LHFPL2: variants seen among roughly 807,000 people sequenced by gnomAD.
LHFPL2 encodes LHFPL tetraspan subfamily member 2 protein.
Under a neutral mutation model 17.5 loss-of-function variants are expected in LHFPL2, and 7 were observed. That is an observed-to-expected ratio of 0.40 (90% confidence interval 0.23 to 0.75). The LOEUF is 0.75. LHFPL2 is among the 30% of genes least tolerant of loss of function. The pLI, the probability that LHFPL2 is intolerant of heterozygous loss-of-function variation, is 0.37. For synonymous variants in LHFPL2, 134 were observed against 116.2 expected (o/e 1.15, Z -0.99); for missense variants, 241 against 294.8 (o/e 0.82, Z 1.34).
At chr5:78,510,499 T>C (rs975146783) in intron 3 of LHFPL2, 101 bp from the exon 4 acceptor site, 4 of 411,040 alleles carry the variant, frequency 9.7e-6, no homozygotes, top group Non-Finnish European at 1.7e-5. Context: ...CGCAGAACCC[T>C]GCCAGCAAGC....
intron 2 of LHFPL2, among the ~76,000 whole-genome samples, chr5:78,581,165 T>A (rs551219195): frequency 3.2e-4 from 48 of 152,334 alleles, no homozygotes; most frequent in African/African-American, 1.1e-3. Context: ...TGTTGGTGTA[T>A]AAGAATGCTT....
At chr5:78,561,402 G>A (rs1756722869) in intron 3 of LHFPL2, among the ~76,000 whole-genome samples, 1 of 152,320 alleles carries the variant, frequency 6.6e-6, no homozygotes. Context: ...CTTTCACTTT[G>A]CCCCTTCGGC....
rs762687453 is a variant in LHFPL2 at position 78,489,157 on chromosome 5, C to T, written c.431-4G>A. ...AAACCGAGGATAAGGAATAGACCTG[C>T]AGAACAAAAGAGAAAACAGATTAGA... On this transcript the variant is annotated splice_region_variant and splice_polypyrimidine_tract_variant and intron_variant, in intron 4 of 4. Coordinates refer to ENST00000380345, the MANE Select transcript of LHFPL2 (RefSeq NM_005779.3). 1.4e-5 allele frequency: 23 copies of T among 1,613,794 alleles called. No individual in the cohort carries two copies. Among genetic ancestry groups the T allele is most frequent in the Non-Finnish European group, 1.8e-5 (21 of 1,179,802 alleles).
At chr5:78,596,529 T>C (rs1426238436) in intron 2 of LHFPL2, among the ~76,000 whole-genome samples, 3 of 152,242 alleles carry the variant, frequency 2.0e-5, no homozygotes, top group South Asian at 4.1e-4. Context: ...CCTAATGTGA[T>C]AAAGAGAAAC....
chr5:78,514,440 T>A (rs1233440584), intron 3 of LHFPL2, among the ~76,000 whole-genome samples: 1 of 151,926 alleles, frequency 6.6e-6, no homozygotes, highest in African/African-American at 2.4e-5. Flanking sequence ...AGTTTCAAAA[T>A]GGCTGGTCTG....
At chr5:78,635,697 G>T (rs1745417302) in intron 1 of LHFPL2, among the ~76,000 whole-genome samples, 1 of 152,170 alleles carries the variant, frequency 6.6e-6, no homozygotes, top group African/African-American at 2.4e-5. Context: ...CAGCTACTTG[G>T]GAGGCTGAGG....
chr5:78,537,147 A>G (rs1755973203), intron 3 of LHFPL2, among the ~76,000 whole-genome samples: 1 of 152,002 alleles, frequency 6.6e-6, no homozygotes, highest in South Asian at 2.1e-4. Flanking sequence ...TCCTCTTCCC[A>G]CTCATTCCCT....
rs35135294 is a variant in LHFPL2 at position 78,527,363 on chromosome 5, GTTTTTTT to G, written c.-185-16972_-185-16966del. Among the ~76,000 whole-genome samples the G allele has an allele frequency of 8.9e-3, 965 of 108,104 alleles. 4 individuals carry two copies. Among genetic ancestry groups the G allele is most frequent in the South Asian group, 0.023 (68 of 2,990 alleles). The allele number at this position is 108,104 out of a possible 152,430, so 70.9% of individuals were successfully genotyped here. On this transcript the variant is annotated intron_variant, in intron 3 of 4. Transcript: ENST00000380345. Reference sequence around the variant, plus strand: ...GGAAAGCTCTTAATGCTGATGAGGAGTTTTTTTTTTTTTTTTTTTTTTTCCAAAAGTT... The same window carrying G: ...GGAAAGCTCTTAATGCTGATGAGGAGTTTTTTTTTTTTTTTTCCAAAAGTT...
chr5:78,510,088 G>C lies in LHFPL2; in HGVS notation c.126C>G (p.Gly42=), dbSNP rs1158540110. 5.6e-6 allele frequency: 9 copies of C among 1,612,714 alleles called. No individual in the cohort carries two copies. The African/African-American group carries it at 6.7e-5, about 12-fold the overall frequency. ...DWLIGKARSR[G]GVEPAGPGGG... is the part of the protein sequence containing the mutation. ...CGCCCGGGCCCGCCGGCTCCACGCCGCCGCGGCTCCTCGCTTTCCCGATCA... is the reference window on the plus strand; with the variant it reads ...CGCCCGGGCCCGCCGGCTCCACGCCCCCGCGGCTCCTCGCTTTCCCGATCA... The change falls in exon 4 of 5, where the codon GGC becomes GGG. Residue 42 remains glycine (G), a synonymous_variant. Transcript: ENST00000380345.
Position 78,510,327 on chromosome 5 carries a change from T to C in LHFPL2, c.-114A>G. 9.5e-7 allele frequency: 1 copy of C among 1,047,294 alleles called. No individual in the cohort carries two copies. The highest frequency in any genetic ancestry group is 2.6e-5 in the East Asian group (1 of 38,060). The allele number at this position is 1,047,294 out of a possible 1,614,324, so 64.9% of individuals were successfully genotyped here. A position where few individuals can be genotyped will look rare whatever the true frequency, so the allele number is the denominator to read the frequency against. ...GGAAGGAAGTCGCAGCTGCAGTCAT[T>C]CACTCCCGCCGCCGGCCGCGTTCAT... On this transcript the variant is annotated 5_prime_UTR_variant, in exon 4 of 5. Coordinates refer to ENST00000380345, the MANE Select transcript of LHFPL2 (RefSeq NM_005779.3).
intron 3 of LHFPL2, among the ~76,000 whole-genome samples, chr5:78,532,761 A>G (rs1258591520): frequency 1.3e-5 from 2 of 151,988 alleles, no homozygotes; most frequent in Non-Finnish European, 2.9e-5. Flanking sequence ...TTATTAACCA[A>G]AACACCAGCC....
intron 3 of LHFPL2, among the ~76,000 whole-genome samples, chr5:78,527,264 C>G (rs528041059): frequency 6.6e-6 from 1 of 151,516 alleles, no homozygotes; most frequent in Non-Finnish European, 1.5e-5. Flanking sequence ...GGAAAACAAA[C>G]GAACCCAGTT....
intron 2 of LHFPL2, among the ~76,000 whole-genome samples, chr5:78,572,277 A>G (rs1237370098): frequency 6.6e-6 from 1 of 152,106 alleles, no homozygotes; most frequent in Non-Finnish European, 1.5e-5. Context: ...GTAATTAAGG[A>G]AAGAGCTGGC....
At chr5:78,592,670 TAC>T (rs371054360) in intron 2 of LHFPL2, among the ~76,000 whole-genome samples, 1,406 of 55,792 alleles carry the variant, frequency 0.025, 54 homozygotes, top group Non-Finnish European at 0.031. Flanking sequence ...AAAATTCAGA[TAC>T]ACACACACAC....
chr5:78,492,711 A>G (rs1438582662), intron 4 of LHFPL2, among the ~76,000 whole-genome samples: 1 of 152,244 alleles, frequency 6.6e-6, no homozygotes, highest in Non-Finnish European at 1.5e-5. Context: ...TAAGAGTGCC[A>G]TGCTTGTGAG....
chr5:78,510,055 G>A lies in LHFPL2; in HGVS notation c.159C>T (p.Ser53=), dbSNP rs1469334707. The A allele has an allele frequency of 1.2e-6, 2 of 1,610,118 alleles. No homozygotes were observed. The highest frequency in any genetic ancestry group is 1.7e-6 in the Non-Finnish European group (2 of 1,178,444). Residue 53 remains serine (S), a synonymous_variant, in exon 4 of 5, where the codon TCC becomes TCT. Transcript: ENST00000380345. ...CCAGGGTGGGGTGGTAGGGCTCCGG[G>A]GAGCCCCCGCCCGGGCCCGCCGGCT... ...GVEPAGPGGG[S]PEPYHPTLGI...
chr5:78,620,455 TCAA>T, intron 2 of LHFPL2, among the ~76,000 whole-genome samples: 1 of 152,276 alleles, frequency 6.6e-6, no homozygotes, highest in Non-Finnish European at 1.5e-5. Flanking sequence ...TCTACAATGA[TCAA>T]CAAGGACCTC....
chr5:78,614,402 G>A (rs1425883067), intron 2 of LHFPL2, among the ~76,000 whole-genome samples: 1 of 152,170 alleles, frequency 6.6e-6, no homozygotes, highest in Non-Finnish European at 1.5e-5. Flanking sequence ...CCTGTACAAT[G>A]AGCCTCTGGG....
chr5:78,510,636 G>T (rs11744497), intron 3 of LHFPL2, among the ~76,000 whole-genome samples: 1 of 152,136 alleles, frequency 6.6e-6, no homozygotes, highest in Non-Finnish European at 1.5e-5. Context: ...ACCATGGAAG[G>T]AGGCGGCCAG....
Sources: allele counts gnomAD v4.1 joint callset (sites outside exome capture counted in the v4.1 genomes callset), GRCh38; gene constraint gnomAD v4.1.1; transcripts MANE v1.5; gene names NCBI Gene and HGNC (gene_info 2026-07-23, HGNC 2026-07-21).